TBC1D19: variants seen among roughly 807,000 people sequenced by gnomAD.
TBC1D19 encodes the protein TBC1 domain family member 19.
In TBC1D19, 60 loss-of-function variants were observed where a neutral mutation model predicts 89.0. That is an observed-to-expected ratio of 0.67 (90% CI 0.55 to 0.84). The LOEUF is 0.84. Among genes scored for constraint, TBC1D19 ranks in the 40% least tolerant of loss-of-function variants. The probability of loss-of-function intolerance (pLI) is 0.00; values close to 1 mark genes in which losing one functional copy is unlikely to be tolerated. For missense variants in TBC1D19, 500 were observed against 610.8 expected (o/e 0.82, Z 1.91); for synonymous variants, 189 against 199.7 (o/e 0.95, Z 0.45).
At chr4:26,633,720 C>T (rs992306867) in intron 4 of TBC1D19, among the ~76,000 whole-genome samples, 12 of 152,076 alleles carry the variant, frequency 7.9e-5, no homozygotes, top group African/African-American at 2.7e-4. Flanking sequence ...GCAATTTTTC[C>T]CCCTTAGAAT....
chr4:26,842,618 T>A, the TBC1D19 span, among the ~76,000 whole-genome samples: 5 of 145,408 alleles, frequency 3.4e-5, no homozygotes, highest in Non-Finnish European at 7.5e-5. Flanking sequence ...CTTTCTTTCT[T>A]TCTTTCTTTC....
intron 14 of TBC1D19, 128 bp downstream of exon 14, chr4:26,718,145 C>T (rs528690790): frequency 9.3e-6 from 6 of 647,716 alleles, no homozygotes; most frequent in African/African-American, 1.8e-5. Context: ...CTCAGATGAC[C>T]GTAATTATCC....
chr4:26,650,067 A>G (rs1481182372), intron 7 of TBC1D19, among the ~76,000 whole-genome samples: 1 of 152,174 alleles, frequency 6.6e-6, no homozygotes, highest in African/African-American at 2.4e-5. Flanking sequence ...GCTGCATAGT[A>G]TTCCATGGTG....
the TBC1D19 span, chr4:26,857,968 A>C: frequency 6.6e-6 from 1 of 152,268 alleles, no homozygotes; most frequent in African/African-American, 2.4e-5. Flanking sequence ...ATCCTAAGCC[A>C]AGAACACGCT....
At chr4:26,797,334 C>A in the TBC1D19 span, among the ~76,000 whole-genome samples, 1 of 151,854 alleles carries the variant, frequency 6.6e-6, no homozygotes, top group Non-Finnish European at 1.5e-5. Flanking sequence ...TACATTTAAC[C>A]AAAGAAGTAA....
chr4:26,599,653 T>C (rs1022065405), intron 1 of TBC1D19, among the ~76,000 whole-genome samples: 1 of 152,052 alleles, frequency 6.6e-6, no homozygotes. Context: ...CATCTTAAAA[T>C]TGAATTTGCT....
At chr4:26,702,711 A>G (rs377610990) in intron 13 of TBC1D19, among the ~76,000 whole-genome samples, 47 of 152,326 alleles carry the variant, frequency 3.1e-4, no homozygotes, top group Middle Eastern at 3.4e-3. Flanking sequence ...ATGCTGTAGT[A>G]AGAACACTTA....
At chr4:26,654,833 C>G (rs929033017) in intron 7 of TBC1D19, among the ~76,000 whole-genome samples, 2 of 152,084 alleles carry the variant, frequency 1.3e-5, no homozygotes, top group Non-Finnish European at 2.9e-5. Context: ...CCTCCTTTAG[C>G]TCGGAGTAGT....
chr4:26,739,755 G>T, intron 16 of TBC1D19, 109 bp from the exon 17 acceptor site: 1 of 554,000 alleles, frequency 1.8e-6, no homozygotes, highest in Non-Finnish European at 2.9e-6. Flanking sequence ...AACTTGTCTG[G>T]TGGTGTATAT....
At chr4:26,812,124 G>A in the TBC1D19 span, among the ~76,000 whole-genome samples, 1 of 152,186 alleles carries the variant, frequency 6.6e-6, no homozygotes, top group Non-Finnish European at 1.5e-5. This position sits in a 1 kb window ranked among gnomAD's most constrained non-coding sequence, Gnocchi z 4.2. Flanking sequence ...GGGAAATGAG[G>A]AATGATCTGG....
At chr4:26,739,757 G>C in intron 16 of TBC1D19, 107 bp from the exon 17 acceptor site, 1 of 564,436 alleles carries the variant, frequency 1.8e-6, no homozygotes, top group African/African-American at 2.0e-5. Flanking sequence ...CTTGTCTGGT[G>C]GTGTATATGA....
the TBC1D19 span, among the ~76,000 whole-genome samples, chr4:26,828,191 G>A: frequency 4.6e-5 from 7 of 152,136 alleles, no homozygotes; most frequent in Non-Finnish European, 8.8e-5. Flanking sequence ...GAACACAAGG[G>A]ATGCCCATTC....
intron 7 of TBC1D19, among the ~76,000 whole-genome samples, chr4:26,657,995 A>G (rs1744972603): frequency 1.3e-5 from 2 of 152,208 alleles, no homozygotes; most frequent in Non-Finnish European, 2.9e-5. Flanking sequence ...GCCCTTTGTC[A>G]GATGGATAGA....
chr4:26,843,631 C>T, the TBC1D19 span, among the ~76,000 whole-genome samples: 1 of 151,794 alleles, frequency 6.6e-6, no homozygotes, highest in Non-Finnish European at 1.5e-5. Flanking sequence ...AAAACAGAAT[C>T]ATATAATCTT....
At chr4:26,679,514 T>C (rs1278711061) in intron 11 of TBC1D19, among the ~76,000 whole-genome samples, 1 of 152,112 alleles carries the variant, frequency 6.6e-6, no homozygotes, top group Non-Finnish European at 1.5e-5. Flanking sequence ...GGAGCCCTCA[T>C]GGAGAACCTC....
At chr4:26,705,953 A>G (rs1239902338) in intron 13 of TBC1D19, among the ~76,000 whole-genome samples, 1 of 152,102 alleles carries the variant, frequency 6.6e-6, no homozygotes, top group Non-Finnish European at 1.5e-5. Flanking sequence ...GCTGGAGTAC[A>G]GTGACTGTTC....
the TBC1D19 span, among the ~76,000 whole-genome samples, chr4:26,808,666 T>C: frequency 6.8e-6 from 1 of 147,584 alleles, no homozygotes; most frequent in Non-Finnish European, 1.5e-5. Flanking sequence ...GAGGTGGAGG[T>C]TGCAGTGAGC....
rs562592768 is a variant in TBC1D19, at chr4:26,620,134, C to T, written c.219-479C>T. ...TTTTCTGATCCTTAAACATTTCAAG[C>T]ATTACCTCCTCAGAATTCTTGTGCT... On this transcript the variant is annotated intron_variant, in intron 3 of 20. Transcript: ENST00000264866. Among the ~76,000 whole-genome samples the T allele has an allele frequency of 3.3e-5, 5 of 152,260 alleles. No individual in the cohort carries two copies. In the South Asian group the frequency reaches 1.0e-3, roughly 32 times the overall value.
intron 7 of TBC1D19, 70 bp downstream of exon 7, chr4:26,640,257 A>T: frequency 7.8e-7 from 1 of 1,286,438 alleles, no homozygotes; most frequent in South Asian, 1.2e-5. Flanking sequence ...ATGTAAAAAT[A>T]TATCAAGGCA....
Sources: allele counts gnomAD v4.1 joint callset (sites outside exome capture counted in the v4.1 genomes callset), GRCh38; gene constraint gnomAD v4.1.1; non-coding constraint Gnocchi (gnomAD v3.1); transcripts MANE v1.5; gene names NCBI Gene and HGNC (gene_info 2026-07-23, HGNC 2026-07-21).